The following TAGLN3 variants were observed in gnomAD, a reference collection of about 807,000 sequenced individuals.
TAGLN3 encodes transgelin-3.
Under a neutral mutation model 25.4 loss-of-function variants are expected in TAGLN3, and 12 were observed. That is an observed-to-expected ratio of 0.47 (90% CI 0.30 to 0.77). The LOEUF (loss-of-function observed/expected upper bound fraction) is 0.77, where lower values mean the gene tolerates loss of function less well. Ranked by LOEUF, TAGLN3 falls within the 30% of genes least tolerant of loss-of-function variation. The pLI is 0.06. For synonymous variants in TAGLN3, 96 were observed against 94.8 expected (o/e 1.01, Z -0.08); for missense variants, 218 against 255.8 (o/e 0.85, Z 1.01).
chr3:112,007,015 G>T (rs1313673028), intron 3 of TAGLN3, among the ~76,000 whole-genome samples: 1 of 152,188 alleles, frequency 6.6e-6, no homozygotes, highest in Non-Finnish European at 1.5e-5. Flanking sequence ...CAGTTGCTAG[G>T]TGAGACTCTT....
chr3:112,001,016 G>T, intron 3 of TAGLN3, 70 bp downstream of exon 3: 4 of 1,418,232 alleles, frequency 2.8e-6, no homozygotes, highest in Non-Finnish European at 3.0e-6. Context: ...TGTAAAAACT[G>T]CTCACAGTGT....
intron 3 of TAGLN3, among the ~76,000 whole-genome samples, chr3:112,006,170 G>A (rs1308103745): frequency 6.6e-6 from 1 of 152,136 alleles, no homozygotes; most frequent in African/African-American, 2.4e-5. Context: ...ATGCCAGCAT[G>A]CATCGGAATC....
chr3:112,012,815 G>C (rs548839124), intron 4 of TAGLN3, among the ~76,000 whole-genome samples: 1 of 152,080 alleles, frequency 6.6e-6, no homozygotes, highest in Non-Finnish European at 1.5e-5. Flanking sequence ...TCTAGAGTGC[G>C]ACATTTCCCC....
At chr3:112,007,578 G>A (rs759786735) in intron 3 of TAGLN3, among the ~76,000 whole-genome samples, 6 of 152,068 alleles carry the variant, frequency 3.9e-5, no homozygotes, top group Non-Finnish European at 7.4e-5. Context: ...GAAAATTCCC[G>A]ACACTTAGTT....
At chr3:112,008,678 C>T (rs1263759712) in intron 3 of TAGLN3, among the ~76,000 whole-genome samples, 2 of 152,070 alleles carry the variant, frequency 1.3e-5, no homozygotes, top group African/African-American at 4.8e-5. Flanking sequence ...GGAAAGAGGC[C>T]CTCTTCCCAT....
chr3:112,000,804 A>C lies in TAGLN3; in HGVS notation c.213A>C (p.Pro71=). The C allele has an allele frequency of 6.2e-7, 1 of 1,614,096 alleles. No individual in the cohort carries two copies. Among genetic ancestry groups the C allele is most frequent in the Non-Finnish European group, 8.5e-7 (1 of 1,180,012 alleles). Residue 71 remains proline, a synonymous_variant, in exon 3 of 5, where the codon CCA becomes CCC. Transcript: ENST00000478951. ...VLCKLINSLY[P]PGQEPIPKIS... ...GCAAGCTGATAAATAGTTTATACCCACCAGGACAAGAGCCCATACCCAAGA... is the reference window on the plus strand; with the variant it reads ...GCAAGCTGATAAATAGTTTATACCCCCCAGGACAAGAGCCCATACCCAAGA...
chr3:112,005,100 C>A (rs811338), intron 3 of TAGLN3, among the ~76,000 whole-genome samples: 1 of 151,882 alleles, frequency 6.6e-6, no homozygotes, highest in Non-Finnish European at 1.5e-5. Flanking sequence ...TGGATGGGTT[C>A]AAATCTCTTT....
Position 112,011,780 on chromosome 3 carries a change from G to A in TAGLN3, c.373G>A (p.Val125Met). 6.2e-7 allele frequency: 1 copy of A among 1,613,286 alleles called. No individual in the cohort carries two copies. The highest frequency in any genetic ancestry group is 8.5e-7 in the Non-Finnish European group (1 of 1,179,600). Residue 125 changes from valine (V) to methionine (M), a missense_variant, in exon 4 of 5, where the codon GTG becomes ATG. Val to Met is a conservative substitution (Grantham distance 21). Coordinates refer to ENST00000478951, the MANE Select transcript of TAGLN3 (RefSeq NM_001008272.2). ...GCTTCCAGGGAAGGACATGGCAGCT[G>A]TGCAGAGGACCCTGATGGCTTTAGG... ...DLWEGKDMAA[V>M]QRTLMALGSV... is the part of the protein sequence containing the mutation.
chr3:112,008,277 C>G (rs113622973), intron 3 of TAGLN3, among the ~76,000 whole-genome samples: 9 of 152,082 alleles, frequency 5.9e-5, no homozygotes, highest in African/African-American at 1.7e-4. Context: ...GGTTGTGATA[C>G]GACTAGTTTT....
chr3:112,007,331 A>G (rs879334829), intron 3 of TAGLN3, among the ~76,000 whole-genome samples: 7 of 152,318 alleles, frequency 4.6e-5, no homozygotes, highest in Non-Finnish European at 1.0e-4. Context: ...CAAATGTATA[A>G]TGACGCATAT....
In TAGLN3 at chr3:112,000,814, G is replaced by A. The variant is rs750672425; in HGVS notation, c.223G>A (p.Glu75Lys). ...AAATAGTTTATACCCACCAGGACAAGAGCCCATACCCAAGATCTCAGAGTC... is the reference window on the plus strand; with the variant it reads ...AAATAGTTTATACCCACCAGGACAAAAGCCCATACCCAAGATCTCAGAGTC... The part of the protein sequence containing the change: ...LINSLYPPGQ[E>K]PIPKISESKM... The change falls in exon 3 of 5, where the codon GAG (glutamate) becomes AAG (lysine). Residue 75 changes from glutamate to lysine, a missense_variant. By Grantham distance (56) the Glu-to-Lys change is moderately conservative (BLOSUM62 1). Coordinates refer to ENST00000478951, the MANE Select transcript of TAGLN3 (RefSeq NM_001008272.2). The A allele has an allele frequency of 6.2e-7, 1 of 1,614,156 alleles. No homozygotes were observed. Among genetic ancestry groups the A allele is most frequent in the Admixed American group, 1.7e-5 (1 of 60,028 alleles).
intron 3 of TAGLN3, among the ~76,000 whole-genome samples, chr3:112,007,209 C>G (rs973947746): frequency 1.3e-5 from 2 of 152,152 alleles, no homozygotes; most frequent in Non-Finnish European, 2.9e-5. Flanking sequence ...ACATCCCCTA[C>G]GAAAGGAGCA....
At chr3:112,004,086 T>C (rs746302887) in intron 3 of TAGLN3, among the ~76,000 whole-genome samples, 4 of 152,348 alleles carry the variant, frequency 2.6e-5, no homozygotes, top group East Asian at 1.9e-4. Flanking sequence ...AGGGACATTA[T>C]AGATAAAGCT....
At chr3:112,007,265 A>G (rs2072928293) in intron 3 of TAGLN3, among the ~76,000 whole-genome samples, 1 of 152,192 alleles carries the variant, frequency 6.6e-6, no homozygotes, top group Non-Finnish European at 1.5e-5. Flanking sequence ...TTATCATCCA[A>G]AATACATAGT....
chr3:111,999,367 G>GGCT (rs2072827044), intron 1 of TAGLN3, 54 bp from the exon 2 acceptor site: 6 of 1,584,994 alleles, frequency 3.8e-6, no homozygotes, highest in African/African-American at 1.3e-5. Flanking sequence ...GGGAGCCGGA[G>GGCT]GCTGCTGCTG....
At chr3:112,002,130 A>G (rs2072867142) in intron 3 of TAGLN3, among the ~76,000 whole-genome samples, 1 of 152,160 alleles carries the variant, frequency 6.6e-6, no homozygotes, top group African/African-American at 2.4e-5. Flanking sequence ...TGAGCCTCCA[A>G]ATTCTCATGT....
chr3:112,001,375 A>G (rs912451897), intron 3 of TAGLN3, among the ~76,000 whole-genome samples: 5 of 152,216 alleles, frequency 3.3e-5, no homozygotes, highest in East Asian at 1.9e-4. Flanking sequence ...TAGCACTCCA[A>G]CCTTTTGTTA....
intron 3 of TAGLN3, 99 bp downstream of exon 3, chr3:112,001,045 A>ATG: frequency 9.2e-7 from 1 of 1,091,094 alleles, no homozygotes; most frequent in Non-Finnish European, 1.4e-6. Flanking sequence ...GTGCCGATTG[A>ATG]TGTGTGTAAG....
At chr3:112,013,335 T>C (rs1400386884) in intron 4 of TAGLN3, 75 bp from the exon 5 acceptor site, 19 of 1,540,652 alleles carry the variant, frequency 1.2e-5, no homozygotes, top group Non-Finnish European at 1.6e-5. Flanking sequence ...CAGCAGAGCC[T>C]GTCTAATTGC....
Sources: gnomAD v4.1 joint callset for allele counts (sites outside exome capture counted in the v4.1 genomes callset) on GRCh38, gnomAD v4.1.1 for gene constraint, MANE v1.5 for transcripts, NCBI Gene and HGNC (gene_info 2026-07-23, HGNC 2026-07-21) for gene names.